The following GPC5 variants were observed in gnomAD, a reference collection of about 807,000 sequenced individuals.
GPC5 encodes the protein glypican-5.
In GPC5, 47 loss-of-function variants were observed where a neutral mutation model predicts 53.9. That is an observed-to-expected ratio of 0.87 (90% CI 0.69 to 1.11). GPC5 has a LOEUF of 1.11. GPC5 is among the 50% of genes most tolerant of loss of function. GPC5 has a pLI of 0.00. For synonymous variants in GPC5, 286 were observed against 263.3 expected, an observed-to-expected ratio of 1.09 and a Z score of -0.84; for missense variants, 748 against 713.1, an observed-to-expected ratio of 1.05 and a Z score of -0.56.
At chr13:91,741,733 T>C (rs2036938261) in intron 4 of GPC5, among the ~76,000 whole-genome samples, 2 of 152,272 alleles carry the variant, frequency 1.3e-5, no homozygotes, top group Middle Eastern at 6.8e-3. Flanking sequence ...ACACACTGAG[T>C]ATATATGTTT....
intron 2 of GPC5, among the ~76,000 whole-genome samples, chr13:91,496,492 C>T (rs1469148459): frequency 6.6e-6 from 1 of 152,178 alleles, no homozygotes; most frequent in Non-Finnish European, 1.5e-5. Context: ...ATGAATGGAA[C>T]TGTTCATTAT....
At chr13:91,559,411 G>T (rs2031134914) in intron 2 of GPC5, among the ~76,000 whole-genome samples, 1 of 152,104 alleles carries the variant, frequency 6.6e-6, no homozygotes, top group African/African-American at 2.4e-5. Context: ...TGAGAACCAG[G>T]GAGCTTCTAT....
At chr13:91,590,648 T>C (rs78854091) in intron 2 of GPC5, among the ~76,000 whole-genome samples, 8,577 of 152,262 alleles carry the variant, frequency 0.056, 387 homozygotes, top group South Asian at 0.24. Flanking sequence ...TCAAGAACAT[T>C]GAATGTATGA....
intron 7 of GPC5, among the ~76,000 whole-genome samples, chr13:92,587,975 G>T (rs893333859): frequency 2.0e-5 from 3 of 151,846 alleles, no homozygotes. Context: ...TTTTACATAG[G>T]TATACATGTG....
chr13:92,027,588 T>A lies in GPC5; in HGVS notation c.1402-117242T>A, dbSNP rs560447339. Among the ~76,000 whole-genome samples the A allele has an allele frequency of 2.0e-5, 3 of 152,306 alleles. No individual in the cohort carries two copies. In the South Asian group the frequency reaches 6.2e-4, roughly 32 times the overall value. ...TTCATTTCCACAATGTCTCTGTAAG[T>A]CTCTGGGGTAGGGATTATTATAGCT... On this transcript the variant is annotated intron_variant, in intron 6 of 7. Coordinates refer to ENST00000377067, the MANE Select transcript of GPC5 (RefSeq NM_004466.6).
intron 7 of GPC5, among the ~76,000 whole-genome samples, chr13:92,562,900 G>A (rs1566295213): frequency 6.6e-6 from 1 of 151,896 alleles, no homozygotes; most frequent in Non-Finnish European, 1.5e-5. Flanking sequence ...TTGCCGAATG[G>A]TAAACCATCA....
intron 7 of GPC5, among the ~76,000 whole-genome samples, chr13:92,582,211 T>C (rs1883395404): frequency 6.6e-6 from 1 of 152,186 alleles, no homozygotes; most frequent in South Asian, 2.1e-4. Context: ...CATTTCGAGT[T>C]GACTTTTGTA....
chr13:92,076,261 TA>T (rs2041251507), intron 6 of GPC5, among the ~76,000 whole-genome samples: 1 of 152,188 alleles, frequency 6.6e-6, no homozygotes, highest in African/African-American at 2.4e-5. Context: ...TTTGTATTTT[TA>T]GTAGAGACGG....
chr13:92,758,253 A>G (rs1225776893), intron 7 of GPC5, among the ~76,000 whole-genome samples: 2 of 149,286 alleles, frequency 1.3e-5, no homozygotes, highest in Non-Finnish European at 3.0e-5. Flanking sequence ...AACACCACAT[A>G]TTCTCATTCA....
intron 5 of GPC5, among the ~76,000 whole-genome samples, chr13:91,860,134 T>C (rs1679293515): frequency 3.9e-5 from 6 of 152,172 alleles, no homozygotes; most frequent in Admixed American, 1.3e-4. Context: ...ACCATTGTCA[T>C]ACCATAGTAG....
intron 7 of GPC5, among the ~76,000 whole-genome samples, chr13:92,787,320 T>C (rs1268763186): frequency 6.6e-6 from 1 of 151,994 alleles, no homozygotes; most frequent in Non-Finnish European, 1.5e-5. Flanking sequence ...TAACACCTAT[T>C]ATAAAAAGAA....
At chr13:91,754,534 G>T (rs1426639910) in intron 4 of GPC5, among the ~76,000 whole-genome samples, 1 of 151,992 alleles carries the variant, frequency 6.6e-6, no homozygotes, top group Non-Finnish European at 1.5e-5. Context: ...CAATTTAAAA[G>T]TCTCAACATT....
At chr13:92,428,292 G>A (rs16947592) in intron 7 of GPC5, among the ~76,000 whole-genome samples, 43,857 of 151,900 alleles carry the variant, frequency 0.29, 7,376 homozygotes, top group East Asian at 0.61. Flanking sequence ...TGGTTGTTTC[G>A]CTTTGACAAA....
chr13:91,459,711 G>A (rs916708178), intron 2 of GPC5, among the ~76,000 whole-genome samples: 6 of 152,070 alleles, frequency 3.9e-5, no homozygotes, highest in Admixed American at 3.3e-4. Flanking sequence ...TGGAGGCTAA[G>A]CTTATACAGG....
chr13:92,167,145 G>A (rs2042037526), intron 7 of GPC5, among the ~76,000 whole-genome samples: 1 of 152,012 alleles, frequency 6.6e-6, no homozygotes, highest in Non-Finnish European at 1.5e-5. Flanking sequence ...TTACATCTAA[G>A]ACCCTAAAAT....
intron 6 of GPC5, among the ~76,000 whole-genome samples, chr13:92,069,372 A>AAATATC (rs2041192095): frequency 6.6e-6 from 1 of 151,748 alleles, no homozygotes; most frequent in African/African-American, 2.4e-5. Context: ...TTATGCCTAA[A>AAATATC]AATATCACAG....
At chr13:92,302,685 T>C (rs2043083639) in intron 7 of GPC5, among the ~76,000 whole-genome samples, 1 of 152,226 alleles carries the variant, frequency 6.6e-6, no homozygotes, top group Non-Finnish European at 1.5e-5. Flanking sequence ...CATTTTATGA[T>C]AATAAGTTTG....
intron 4 of GPC5, among the ~76,000 whole-genome samples, chr13:91,729,313 G>A (rs1179974371): frequency 6.6e-6 from 1 of 151,888 alleles, no homozygotes; most frequent in African/African-American, 2.4e-5. Context: ...GCTTGATAAT[G>A]GATGCTTAAA....
intron 7 of GPC5, among the ~76,000 whole-genome samples, chr13:92,693,607 C>G (rs1887475461): frequency 6.6e-6 from 1 of 152,058 alleles, no homozygotes; most frequent in African/African-American, 2.4e-5. Context: ...AATTTCTAAG[C>G]AGCAAAGTAT....
Sources: gnomAD v4.1 joint callset for allele counts (sites outside exome capture counted in the v4.1 genomes callset) on GRCh38, gnomAD v4.1.1 for gene constraint, MANE v1.5 for transcripts, NCBI Gene and HGNC (gene_info 2026-07-23, HGNC 2026-07-21) for gene names.